The following DCC variants were observed in gnomAD, a reference collection of about 807,000 sequenced individuals.
DCC encodes DCC netrin 1 receptor, also known as netrin receptor DCC.
In DCC, 58 loss-of-function variants were observed where a neutral mutation model predicts 172.5. That is an observed-to-expected ratio of 0.34 (90% CI 0.27 to 0.42). The LOEUF (loss-of-function observed/expected upper bound fraction) is 0.42. Among genes scored for constraint, DCC ranks in the 10% least tolerant of loss-of-function variants. The pLI, the probability that DCC is intolerant of heterozygous loss-of-function variation, is 1.00. For synonymous variants in DCC, 709 were observed against 644.5 expected (o/e 1.10, Z -1.52); for missense variants, 1,740 against 1,791.0 (o/e 0.97, Z 0.51).
At position 53,484,085 on chromosome 18, in the gene DCC, GAAC is replaced by G. The variant is rs368569583; in HGVS notation, c.3737-2711_3737-2709del. On this transcript the variant is annotated intron_variant, in intron 25 of 28. Coordinates refer to ENST00000442544, the MANE Select transcript of DCC (RefSeq NM_005215.4). ...CTTTATAGCAATCACTGAACAATTT[GAAC>G]TTCTCCCAAATTACATGCCAAAATC... is the stretch of plus-strand genomic sequence containing the variant. 2.0e-4 allele frequency among the ~76,000 whole-genome samples: 31 copies of G among 151,806 alleles called. No individual in the cohort carries two copies. In the East Asian group the frequency reaches 5.6e-3, roughly 27 times the overall value.
chr18:53,362,640 T>C (rs1329599883), intron 15 of DCC, among the ~76,000 whole-genome samples: 1 of 152,116 alleles, frequency 6.6e-6, no homozygotes, highest in African/African-American at 2.4e-5. Context: ...TGGCTTAAGG[T>C]ATTTTTTTTT....
chr18:52,542,638 C>T (rs569750374), intron 1 of DCC, among the ~76,000 whole-genome samples: 1 of 152,078 alleles, frequency 6.6e-6, no homozygotes, highest in South Asian at 2.1e-4. Context: ...GAGTTTGAAA[C>T]CAGCCTGGCC....
chr18:53,074,872 G>A (rs2042704327), intron 7 of DCC, among the ~76,000 whole-genome samples: 1 of 152,072 alleles, frequency 6.6e-6, no homozygotes, highest in African/African-American at 2.4e-5. Context: ...AGGCAATATT[G>A]CCTAACCTTT....
intron 2 of DCC, chr18:52,816,505 T>G (rs1598832572): frequency 6.6e-6 from 1 of 152,180 alleles, no homozygotes; most frequent in Non-Finnish European, 1.5e-5. Context: ...TATCTATAAC[T>G]TAGGTACTTT....
At chr18:52,728,021 C>T (rs921921968) in intron 1 of DCC, among the ~76,000 whole-genome samples, 6 of 152,054 alleles carry the variant, frequency 3.9e-5, no homozygotes, top group Non-Finnish European at 5.9e-5. Flanking sequence ...ATTCACCTAA[C>T]GATAAACAAA....
In DCC at chr18:53,444,996, C is replaced by A. The variant is rs533429288; in HGVS notation, c.3230-5504C>A. Among the ~76,000 whole-genome samples the A allele has an allele frequency of 2.4e-4, 37 of 152,238 alleles. 1 individual carries two copies. The South Asian group carries it at 6.8e-3, about 28-fold the overall frequency. Reference sequence around the variant, plus strand: ...ATAATTGAATCTGTTTTCTACCACCCCTGCCCCACTCCTCCTGGCAATTAA... The same window carrying A: ...ATAATTGAATCTGTTTTCTACCACCACTGCCCCACTCCTCCTGGCAATTAA... On this transcript the variant is annotated intron_variant, in intron 22 of 28. Transcript: ENST00000442544.
chr18:53,435,129 T>G lies in DCC; in HGVS notation c.3164-15T>G, dbSNP rs757732445. On this transcript the variant is annotated splice_polypyrimidine_tract_variant and intron_variant, in intron 21 of 28. Coordinates refer to ENST00000442544, the MANE Select transcript of DCC (RefSeq NM_005215.4). ...CATTTGTACTGACATTGTGACATGC[T>G]CTCCCAATGAACAGGTCGTCATGGA... 6.3e-6 allele frequency: 10 copies of G among 1,596,024 alleles called. No homozygotes were observed. In the African/African-American group the frequency reaches 1.2e-4, roughly 19 times the overall value.
intron 1 of DCC, among the ~76,000 whole-genome samples, chr18:52,718,107 T>A (rs1331357835): frequency 6.6e-6 from 1 of 152,202 alleles, no homozygotes; most frequent in African/African-American, 2.4e-5. Context: ...GTCATCTGAA[T>A]GTTGGCCGTA....
At chr18:53,342,151 CA>C (rs1365145520) in intron 15 of DCC, among the ~76,000 whole-genome samples, 1 of 151,968 alleles carries the variant, frequency 6.6e-6, no homozygotes, top group African/African-American at 2.4e-5. Flanking sequence ...CATGAGAGAG[CA>C]AGACTTCTAA....
chr18:53,358,934 C>A (rs988924638), intron 15 of DCC, among the ~76,000 whole-genome samples: 9 of 152,090 alleles, frequency 5.9e-5, no homozygotes, highest in Non-Finnish European at 1.0e-4. Flanking sequence ...CCAGTGATTG[C>A]ATTAGTAGTT....
chr18:52,709,638 T>C (rs2036262814), intron 1 of DCC, among the ~76,000 whole-genome samples: 1 of 152,208 alleles, frequency 6.6e-6, no homozygotes, highest in Non-Finnish European at 1.5e-5. Flanking sequence ...TGTATGCTAT[T>C]TTATTTTGAA....
intron 1 of DCC, among the ~76,000 whole-genome samples, chr18:52,581,863 A>G (rs1192743104): frequency 6.6e-6 from 1 of 152,178 alleles, no homozygotes; most frequent in Non-Finnish European, 1.5e-5. Flanking sequence ...TGCCTTTGCC[A>G]AGTACTCCTA....
chr18:53,016,385 A>G (rs1295244313), intron 5 of DCC, among the ~76,000 whole-genome samples: 1 of 152,122 alleles, frequency 6.6e-6, no homozygotes, highest in Non-Finnish European at 1.5e-5. Context: ...GCCTTTGAAC[A>G]TAAGCATCAT....
At chr18:52,571,978 A>G (rs1421290731) in intron 1 of DCC, among the ~76,000 whole-genome samples, 1 of 152,224 alleles carries the variant, frequency 6.6e-6, no homozygotes. Context: ...CACATAGAAC[A>G]TATATATGGA....
rs1031194977 is a variant in DCC at position 53,421,777 on chromosome 18, A to G, written c.3163+5621A>G. On this transcript the variant is annotated intron_variant, in intron 21 of 28. Coordinates refer to ENST00000442544, the MANE Select transcript of DCC (RefSeq NM_005215.4). ...ACTAAATTATCTTTTGGTTTCTTTC[A>G]AGATTTAAGATTCTGAAGTTTTAAG... 1.7e-3 allele frequency among the ~76,000 whole-genome samples: 253 copies of G among 152,296 alleles called. 1 individual carries two copies. Among genetic ancestry groups the G allele is most frequent in the African/African-American group, 5.8e-3 (243 of 41,564 alleles).
rs1053198246 is a variant in DCC at position 53,533,655 on chromosome 18, A to G, written c.*3002A>G. The stretch of plus-strand genomic sequence containing the variant: ...AATATTTCGTAGTGAATCATAGCCA[A>G]TAAGAAACCAGTCATACTTGCCTCT... On this transcript the variant is annotated 3_prime_UTR_variant, in exon 29 of 29. Transcript: ENST00000442544. 2.0e-5 allele frequency: 3 copies of G among 152,192 alleles called. No individual in the cohort carries two copies. Among genetic ancestry groups the G allele is most frequent in the African/African-American group, 7.2e-5 (3 of 41,466 alleles). 9.4% of individuals were successfully genotyped at this position (152,192 alleles called of 1,614,324 possible).
At chr18:52,848,770 A>G (rs2038933085) in intron 2 of DCC, among the ~76,000 whole-genome samples, 1 of 152,204 alleles carries the variant, frequency 6.6e-6, no homozygotes, top group Admixed American at 6.5e-5. Context: ...GTTTAAGATA[A>G]GACATATTTT....
At chr18:53,429,054 T>TATTTTATATATTTTTTATATAA (rs775486111) in intron 21 of DCC, among the ~76,000 whole-genome samples, 1 of 35,166 alleles carries the variant, frequency 2.8e-5, no homozygotes, top group African/African-American at 6.5e-5. Flanking sequence ...ATATAATATA[T>TATTTTATATATTTTTTATATAA]TATATATTTT....
At chr18:52,746,872 T>C (rs942976688) in intron 1 of DCC, among the ~76,000 whole-genome samples, 3 of 151,756 alleles carry the variant, frequency 2.0e-5, no homozygotes, top group Non-Finnish European at 2.9e-5. Flanking sequence ...ATGGAAGGTT[T>C]TGCTATCTTG....
Sources: gnomAD v4.1 joint callset for allele counts (sites outside exome capture counted in the v4.1 genomes callset) on GRCh38, gnomAD v4.1.1 for gene constraint, MANE v1.5 for transcripts, NCBI Gene and HGNC (gene_info 2026-07-23, HGNC 2026-07-21) for gene names.